NRF1: variants seen among roughly 807,000 people sequenced by gnomAD.
The protein encoded by NRF1 is nuclear respiratory factor 1, also known as alpha palindromic-binding protein.
A neutral mutation model predicts 58.5 loss-of-function variants in NRF1; 5 were observed. The ratio of observed to expected loss-of-function variants is 0.09; its 90% confidence interval spans 0.04 to 0.18. The LOEUF is 0.18. Ranked by LOEUF, NRF1 falls within the 10% of genes least tolerant of loss-of-function variation. The pLI is 1.00. For missense variants in NRF1, 288 were observed against 657.7 expected, an observed-to-expected ratio of 0.44 and a Z score of 6.15; for synonymous variants, 224 against 246.7, an observed-to-expected ratio of 0.91 and a Z score of 0.86.
chr7:129,663,248 C>A (rs949714177), intron 2 of NRF1, among the ~76,000 whole-genome samples: 1 of 152,174 alleles, frequency 6.6e-6, no homozygotes, highest in African/African-American at 2.4e-5. Context: ...CATCATGGCC[C>A]GCTCTCGATG....
At chr7:129,647,749 G>A (rs188153677) in intron 1 of NRF1, among the ~76,000 whole-genome samples, 2 of 152,172 alleles carry the variant, frequency 1.3e-5, no homozygotes, top group African/African-American at 4.8e-5. Flanking sequence ...CTGGATTATC[G>A]TGTTATTAGT....
chr7:129,742,292 AC>A (rs200681413), intron 10 of NRF1, among the ~76,000 whole-genome samples: 4,576 of 141,962 alleles, frequency 0.032, 109 homozygotes, highest in Non-Finnish European at 0.045. Flanking sequence ...AAAAAAAAAA[AC>A]AAAAAACTTT....
At chr7:129,659,883 G>C (rs1801743175) in intron 2 of NRF1, among the ~76,000 whole-genome samples, 1 of 151,964 alleles carries the variant, frequency 6.6e-6, no homozygotes, top group Non-Finnish European at 1.5e-5. Context: ...CTGTCTTTCA[G>C]CTTGTGAAAG....
chr7:129,685,184 CA>C (rs1254779800), intron 4 of NRF1, among the ~76,000 whole-genome samples: 1 of 152,066 alleles, frequency 6.6e-6, no homozygotes, highest in Non-Finnish European at 1.5e-5. Flanking sequence ...TTCAGGAATA[CA>C]AAAAAATTAT....
chr7:129,719,677 T>C (rs1803275868), intron 9 of NRF1, among the ~76,000 whole-genome samples: 1 of 152,140 alleles, frequency 6.6e-6, no homozygotes. Flanking sequence ...TCATGTTGCT[T>C]TTCAGTAACA....
intron 1 of NRF1, among the ~76,000 whole-genome samples, chr7:129,656,720 G>C (rs1023340821): frequency 1.1e-4 from 17 of 151,962 alleles, no homozygotes; most frequent in Admixed American, 8.5e-4. Flanking sequence ...GATTACAGGC[G>C]CCCACCACCA....
At chr7:129,724,203 A>G (rs1803398395) in intron 9 of NRF1, among the ~76,000 whole-genome samples, 1 of 152,234 alleles carries the variant, frequency 6.6e-6, no homozygotes, top group African/African-American at 2.4e-5. Context: ...ACAACAACAA[A>G]AACTCTATTC....
chr7:129,728,977 A>AT (rs1389263660), intron 10 of NRF1, among the ~76,000 whole-genome samples: 5 of 152,180 alleles, frequency 3.3e-5, no homozygotes, highest in Non-Finnish European at 5.9e-5. Flanking sequence ...TCCTACTTCT[A>AT]TTTTTTTACC....
chr7:129,743,371 T>C (rs1226419184), intron 10 of NRF1, among the ~76,000 whole-genome samples: 4 of 151,864 alleles, frequency 2.6e-5, no homozygotes, highest in Admixed American at 2.6e-4. Context: ...GGGCCAAGAG[T>C]GTGTAAACAA....
intron 2 of NRF1, among the ~76,000 whole-genome samples, chr7:129,664,177 A>C (rs749580914): frequency 6.6e-6 from 1 of 151,948 alleles, no homozygotes; most frequent in Middle Eastern, 3.4e-3. Context: ...GGGGAGAGGG[A>C]GAGGGAGAGG....
chr7:129,698,396 T>G (rs1244573679), intron 5 of NRF1, among the ~76,000 whole-genome samples: 2 of 151,976 alleles, frequency 1.3e-5, no homozygotes, highest in African/African-American at 4.8e-5. Context: ...TTTTAGTTAT[T>G]AAAATGAAAA....
At chr7:129,668,149 C>G (rs1177136152) in intron 2 of NRF1, among the ~76,000 whole-genome samples, 2 of 152,166 alleles carry the variant, frequency 1.3e-5, no homozygotes, top group Admixed American at 1.3e-4. Context: ...CATTATTTTT[C>G]CATATGGATA....
chr7:129,644,982 A>G (rs1001071249), intron 1 of NRF1, among the ~76,000 whole-genome samples: 12 of 151,962 alleles, frequency 7.9e-5, no homozygotes, highest in Non-Finnish European at 1.6e-4. Context: ...TAAGAACTCT[A>G]TGATAGAGGT....
chr7:129,748,710 T>G (rs1034070365), intron 10 of NRF1, among the ~76,000 whole-genome samples: 2 of 152,238 alleles, frequency 1.3e-5, no homozygotes, highest in Admixed American at 6.5e-5. Flanking sequence ...CAAACAATAT[T>G]TTAAGATGTT....
intron 10 of NRF1, among the ~76,000 whole-genome samples, chr7:129,732,420 T>C (rs950487634): frequency 6.6e-6 from 1 of 152,226 alleles, no homozygotes; most frequent in Non-Finnish European, 1.5e-5. Flanking sequence ...ATGGCATATT[T>C]GAAGTTGGTG....
At chr7:129,655,671 A>G (rs931698469) in intron 1 of NRF1, among the ~76,000 whole-genome samples, 2 of 152,032 alleles carry the variant, frequency 1.3e-5, no homozygotes, top group Non-Finnish European at 1.5e-5. Flanking sequence ...ACAGATGTGT[A>G]CCACCACACC....
chr7:129,619,423 T>TAC lies in NRF1; in HGVS notation c.-7+7600_-7+7601insCA, dbSNP rs1353426092. Among the ~76,000 whole-genome samples the TAC allele has an allele frequency of 1.4e-3, 122 of 87,340 alleles. 1 individual carries two copies. Among genetic ancestry groups the TAC allele is most frequent in the African/African-American group, 5.8e-3 (84 of 14,500 alleles). 57.3% of individuals were successfully genotyped at this position (87,340 alleles called of 152,430 possible). A position where few individuals can be genotyped will look rare whatever the true frequency, so the allele number is the denominator to read the frequency against. ...ATATATATATATATATATATATATA[T>TAC]ATATATATATACACACACACACACA... On this transcript the variant is annotated intron_variant, in intron 1 of 10. Transcript: ENST00000393232.
At chr7:129,614,215 A>G (rs141721165) in intron 1 of NRF1, among the ~76,000 whole-genome samples, 10,695 of 152,158 alleles carry the variant, frequency 0.07, 492 homozygotes, top group Middle Eastern at 0.11. Context: ...TCCTGGGTTC[A>G]AGCGATTCTT....
At chr7:129,744,820 C>T (rs1803934375) in intron 10 of NRF1, among the ~76,000 whole-genome samples, 1 of 152,010 alleles carries the variant, frequency 6.6e-6, no homozygotes, top group African/African-American at 2.4e-5. Flanking sequence ...CTAAATGGTG[C>T]TCTACAGATT....
Sources: gnomAD v4.1 joint callset for allele counts (sites outside exome capture counted in the v4.1 genomes callset) on GRCh38, gnomAD v4.1.1 for gene constraint, MANE v1.5 for transcripts, NCBI Gene and HGNC (gene_info 2026-07-23, HGNC 2026-07-21) for gene names.